STOX2: variants seen among roughly 807,000 people sequenced by gnomAD.
The protein encoded by STOX2 is storkhead-box protein 2.
In STOX2, 28 loss-of-function variants were observed where a neutral mutation model predicts 60.9. That is an observed-to-expected ratio of 0.46 (90% CI 0.34 to 0.63). STOX2 has a LOEUF of 0.63. Among genes scored for constraint, STOX2 ranks in the 30% least tolerant of loss-of-function variants. STOX2 has a pLI of 0.01. For missense variants in STOX2, 1,024 were observed against 1,187.7 expected (o/e 0.86, Z 2.03); for synonymous variants, 472 against 463.9 (o/e 1.02, Z -0.22).
intron 1 of STOX2, among the ~76,000 whole-genome samples, chr4:183,997,807 T>C (rs990827694): frequency 6.6e-6 from 1 of 152,228 alleles, no homozygotes; most frequent in Non-Finnish European, 1.5e-5. Flanking sequence ...TGTTCTACAT[T>C]CTGAGTTAAA....
chr4:183,999,202 C>T (rs6835682), intron 1 of STOX2, among the ~76,000 whole-genome samples: 54,291 of 151,992 alleles, frequency 0.36, 10,067 homozygotes, highest in African/African-American at 0.45. Context: ...TCCCAGCCCA[C>T]GTCATTCTAT....
intron 1 of STOX2, chr4:183,798,166 C>A: frequency 9.3e-7 from 1 of 1,072,254 alleles, no homozygotes; most frequent in Non-Finnish European, 1.2e-6. Flanking sequence ...ACCGCCGAGG[C>A]TCCCCTGGGT....
intron 1 of STOX2, among the ~76,000 whole-genome samples, chr4:183,961,356 T>TTGCTGCTGCTGC (rs755147300): frequency 3.3e-3 from 499 of 151,710 alleles, no homozygotes; most frequent in African/African-American, 0.011. Context: ...CAAGTGATGG[T>TTGCTGCTGCTGC]TGCTGCTGCT....
intron 1 of STOX2, among the ~76,000 whole-genome samples, chr4:183,993,860 G>A (rs1368784862): frequency 6.6e-6 from 1 of 152,216 alleles, no homozygotes; most frequent in African/African-American, 2.4e-5. Context: ...AGCATGTGAG[G>A]TAATGGGAGC....
At chr4:183,935,721 A>G (rs1742571732) in intron 1 of STOX2, among the ~76,000 whole-genome samples, 1 of 152,262 alleles carries the variant, frequency 6.6e-6, no homozygotes. Flanking sequence ...GAGAATTAAT[A>G]TTAATGGGAC....
chr4:183,798,115 G>C, intron 1 of STOX2: 1 of 1,215,966 alleles, frequency 8.2e-7, no homozygotes. Context: ...TCCGTGCCGT[G>C]CGGTCGCGGG....
intron 1 of STOX2, among the ~76,000 whole-genome samples, chr4:183,846,463 A>G (rs748673607): frequency 4.0e-5 from 6 of 151,704 alleles, no homozygotes; most frequent in Non-Finnish European, 8.8e-5. Context: ...TCATGTTTTA[A>G]TTTTTGTTCT....
chr4:183,857,146 C>T (rs1457948736), intron 1 of STOX2, among the ~76,000 whole-genome samples: 1 of 150,272 alleles, frequency 6.7e-6, no homozygotes, highest in Admixed American at 6.6e-5. Flanking sequence ...CTGGTTATCC[C>T]GCAGGACTGG....
intron 1 of STOX2, among the ~76,000 whole-genome samples, chr4:183,812,858 A>C (rs17294853): frequency 0.19 from 28,406 of 152,196 alleles, 2,785 homozygotes; most frequent in South Asian, 0.29. Flanking sequence ...CCAAGTATGT[A>C]GGTCATTGTG....
At chr4:183,999,684 G>A (rs546854387) in intron 1 of STOX2, among the ~76,000 whole-genome samples, 1 of 152,174 alleles carries the variant, frequency 6.6e-6, no homozygotes, top group African/African-American at 2.4e-5. Context: ...CTCCCCGTAC[G>A]TGCTGATCTT....
intron 1 of STOX2, among the ~76,000 whole-genome samples, chr4:183,983,447 G>A (rs1446429732): frequency 1.3e-5 from 2 of 152,226 alleles, no homozygotes; most frequent in African/African-American, 2.4e-5. Context: ...TGTGTTTTGA[G>A]TCGAAAGGAG....
At chr4:183,888,206 C>G (rs1741126529) in intron 1 of STOX2, among the ~76,000 whole-genome samples, 1 of 152,142 alleles carries the variant, frequency 6.6e-6, no homozygotes, top group South Asian at 2.1e-4. Context: ...GATGAAGATT[C>G]AAAGCTCTGA....
In STOX2 at chr4:183,978,969, G is replaced by A. The variant is rs187798468; in HGVS notation, c.167-22356G>A. Among the ~76,000 whole-genome samples the A allele has an allele frequency of 4.6e-5, 7 of 152,272 alleles. No individual in the cohort carries two copies. In the East Asian group the frequency reaches 9.6e-4, roughly 21 times the overall value. On this transcript the variant is annotated intron_variant, in intron 1 of 3. Transcript: ENST00000308497. ...TGTATATGTTAATTTTCAAAATTAT[G>A]TTAAAAATATGAGTTTTCTTGGCAA...
At chr4:183,869,193 C>T (rs1234820000) in intron 1 of STOX2, among the ~76,000 whole-genome samples, 3 of 152,142 alleles carry the variant, frequency 2.0e-5, no homozygotes, top group East Asian at 3.9e-4. Context: ...GCAAGCCGTG[C>T]TATCTTTATA....
chr4:183,932,355 ACAGTATATGTATGTATACATAC>A (rs1742454201), intron 1 of STOX2, among the ~76,000 whole-genome samples: 12 of 22,246 alleles, frequency 5.4e-4, no homozygotes, highest in African/African-American at 1.2e-3. Context: ...ATGTATACAT[ACAGTATATGTATGTATACATAC>A]AGTATATGTA....
At chr4:183,863,684 T>G (rs1740501672) in intron 1 of STOX2, among the ~76,000 whole-genome samples, 1 of 152,252 alleles carries the variant, frequency 6.6e-6, no homozygotes, top group South Asian at 2.1e-4. Flanking sequence ...ATAAATGTTC[T>G]AAACCACACA....
At chr4:183,989,191 TTTG>T (rs386683169) in intron 1 of STOX2, among the ~76,000 whole-genome samples, 1,888 of 74,478 alleles carry the variant, frequency 0.025, 41 homozygotes, top group African/African-American at 0.055. Context: ...TTTTTTTTTT[TTTG>T]TTTGTTTGGT....
chr4:183,836,235 T>G lies in STOX2; in HGVS notation c.364+38180T>G, dbSNP rs1411378072. On this transcript the variant is annotated intron_variant, in intron 1 of 2. Coordinates refer to the STOX2 transcript ENST00000513034. This position sits in a 1 kb window ranked among gnomAD's most constrained non-coding sequence, Gnocchi z 4.1. ...TGACTTTGGTATTTGTTGTTTGGACTCTCCTTCTCCTGGCTTGTGGAGATT... is the reference window on the plus strand; with the variant it reads ...TGACTTTGGTATTTGTTGTTTGGACGCTCCTTCTCCTGGCTTGTGGAGATT... Among the ~76,000 whole-genome samples the G allele has an allele frequency of 6.6e-6, 1 of 152,204 alleles. No homozygotes were observed. Among genetic ancestry groups the G allele is most frequent in the East Asian group, 1.9e-4 (1 of 5,196 alleles).
chr4:183,907,634 A>C (rs1280741562), intron 1 of STOX2, among the ~76,000 whole-genome samples: 2 of 152,228 alleles, frequency 1.3e-5, no homozygotes, highest in Non-Finnish European at 2.9e-5. Context: ...GGTAAATGGA[A>C]AGGGAAGGCT....
Sources: gnomAD v4.1 joint callset for allele counts (sites outside exome capture counted in the v4.1 genomes callset) on GRCh38, gnomAD v4.1.1 for gene constraint, Gnocchi (gnomAD v3.1) non-coding constraint, MANE v1.5 for transcripts, NCBI Gene and HGNC (gene_info 2026-07-23, HGNC 2026-07-21) for gene names.